The following CA13 variants were observed in gnomAD, a reference collection of about 807,000 sequenced individuals.
The protein encoded by CA13 is CA-XIII.
In CA13, 21 loss-of-function variants were observed where a neutral mutation model predicts 31.5. The ratio of observed to expected loss-of-function variants is 0.67; its 90% confidence interval spans 0.47 to 0.96. CA13 has a LOEUF of 0.96. Among genes scored for constraint, CA13 ranks in the 40% least tolerant of loss-of-function variants. CA13 has a pLI of 0.00. For synonymous variants in CA13, 117 were observed against 111.4 expected, an observed-to-expected ratio of 1.05 and a Z score of -0.32; for missense variants, 315 against 318.9, an observed-to-expected ratio of 0.99 and a Z score of 0.09.
At chr8:85,254,374 T>A (rs1377352139) in intron 2 of CA13, among the ~76,000 whole-genome samples, 2 of 152,144 alleles carry the variant, frequency 1.3e-5, no homozygotes, top group African/African-American at 2.4e-5. Flanking sequence ...TTTTTATAAA[T>A]GTAGACATTC....
At chr8:85,254,129 T>C (rs1319023215) in intron 2 of CA13, among the ~76,000 whole-genome samples, 1 of 151,702 alleles carries the variant, frequency 6.6e-6, no homozygotes, top group African/African-American at 2.4e-5. Context: ...AATACAAAAA[T>C]TAGCCAGGAG....
At chr8:85,277,908 C>T (rs747853789) in intron 6 of CA13, among the ~76,000 whole-genome samples, 3 of 152,136 alleles carry the variant, frequency 2.0e-5, no homozygotes, top group African/African-American at 4.8e-5. Flanking sequence ...TGCTGACGCA[C>T]GCTGCTGGAG....
At chr8:85,273,385 T>C (rs1348455281) in intron 6 of CA13, among the ~76,000 whole-genome samples, 2 of 152,178 alleles carry the variant, frequency 1.3e-5, no homozygotes, top group African/African-American at 4.8e-5. Flanking sequence ...CATTTTTACA[T>C]TGGGTTGTTT....
chr8:85,273,132 T>TA (rs1253693140), intron 6 of CA13, among the ~76,000 whole-genome samples: 4 of 152,222 alleles, frequency 2.6e-5, no homozygotes, highest in Admixed American at 2.6e-4. Flanking sequence ...AAAGTACTAC[T>TA]ATATTGTTTT....
chr8:85,267,356 C>T, intron 4 of CA13: 1 of 884,804 alleles, frequency 1.1e-6, no homozygotes, highest in Non-Finnish European at 1.4e-6. Context: ...TTAAAACCTT[C>T]AGGTAGATTC....
Position 85,266,677 on chromosome 8 carries a change from C to T in CA13, c.424C>T (p.Leu142=), listed in dbSNP as rs576032896. ...TGAGGCAGCTCATGAACCAGATGGA[C>T]TGGCTGTCTTGGGAGTGTTTTTACA... is the stretch of plus-strand genomic sequence containing the variant. The part of the protein sequence containing the change: ...FVEAAHEPDG[L]AVLGVFLQIG... The change falls in exon 4 of 7, where the codon CTG becomes TTG. Residue 142 remains leucine (L), a synonymous_variant. Transcript: ENST00000321764. 13 of 1,613,866 alleles carry T rather than the reference C, an allele frequency of 8.1e-6. No individual in the cohort carries two copies. The highest frequency in any genetic ancestry group is 1.3e-5 in the African/African-American group (1 of 75,052).
Position 85,245,749 on chromosome 8 carries a change from T to G in CA13, c.-80T>G. On this transcript the variant is annotated 5_prime_UTR_variant, in exon 1 of 7. Coordinates refer to ENST00000321764, the MANE Select transcript of CA13 (RefSeq NM_198584.3). ...GCCCCGCGGTCCCGCCCTAGCAGGCTCCTTCCCGGGCCCCTCCCCGCTCCC... is the reference window on the plus strand; with the variant it reads ...GCCCCGCGGTCCCGCCCTAGCAGGCGCCTTCCCGGGCCCCTCCCCGCTCCC... The G allele has an allele frequency of 1.3e-6, 2 of 1,538,042 alleles. No homozygotes were observed. The highest frequency in any genetic ancestry group is 1.8e-6 in the Non-Finnish European group (2 of 1,112,452).
intron 2 of CA13, among the ~76,000 whole-genome samples, chr8:85,253,608 A>C (rs1052120205): frequency 6.6e-6 from 1 of 152,222 alleles, no homozygotes; most frequent in Non-Finnish European, 1.5e-5. Flanking sequence ...AAATAAATAC[A>C]TGGTATTTTC....
chr8:85,266,504 C>T, intron 3 of CA13, 104 bp from the exon 4 acceptor site: 1 of 752,512 alleles, frequency 1.3e-6, no homozygotes, highest in East Asian at 2.6e-5. Flanking sequence ...ATACATTATA[C>T]ATAAGTGTAC....
intron 4 of CA13, 145 bp downstream of exon 4, chr8:85,266,848 A>G (rs1277371291): frequency 5.0e-6 from 3 of 598,562 alleles, no homozygotes; most frequent in African/African-American, 3.7e-5. Flanking sequence ...TTTAAAAATT[A>G]TATATTCATT....
chr8:85,273,368 A>C (rs1318359529), intron 6 of CA13, among the ~76,000 whole-genome samples: 1 of 152,144 alleles, frequency 6.6e-6, no homozygotes, highest in Non-Finnish European at 1.5e-5. Context: ...TGTTCAAATC[A>C]TCTGTACATT....
At chr8:85,256,700 T>C (rs1419999898) in intron 2 of CA13, among the ~76,000 whole-genome samples, 1 of 152,228 alleles carries the variant, frequency 6.6e-6, no homozygotes, top group Non-Finnish European at 1.5e-5. Flanking sequence ...TATAAAGCTC[T>C]ATTATGATTA....
At chr8:85,267,630 TAA>T (rs1807475513) in intron 4 of CA13, among the ~76,000 whole-genome samples, 1 of 152,184 alleles carries the variant, frequency 6.6e-6, no homozygotes, top group Non-Finnish European at 1.5e-5. Flanking sequence ...TAAACACTGA[TAA>T]AACTTAACAA....
chr8:85,275,508 A>C (rs1360151288), intron 6 of CA13, among the ~76,000 whole-genome samples: 3 of 152,164 alleles, frequency 2.0e-5, no homozygotes, highest in African/African-American at 7.2e-5. Context: ...CTAGATCTAC[A>C]AACAGGTTTT....
intron 4 of CA13, among the ~76,000 whole-genome samples, chr8:85,267,000 T>C (rs960038578): frequency 6.6e-6 from 1 of 152,212 alleles, no homozygotes; most frequent in African/African-American, 2.4e-5. Context: ...CTCTTCCTAA[T>C]TGTATACTAT....
intron 6 of CA13, among the ~76,000 whole-genome samples, chr8:85,270,615 A>G (rs966811511): frequency 6.6e-6 from 1 of 152,230 alleles, no homozygotes; most frequent in Non-Finnish European, 1.5e-5. Context: ...GAACTGAATA[A>G]TATTAAGAGT....
chr8:85,260,353 C>G (rs1298283382), intron 3 of CA13, among the ~76,000 whole-genome samples: 2 of 152,154 alleles, frequency 1.3e-5, no homozygotes, highest in Non-Finnish European at 2.9e-5. Flanking sequence ...ATACTATTCA[C>G]GTGAAAATAA....
At chr8:85,272,777 A>G (rs755998774) in intron 6 of CA13, among the ~76,000 whole-genome samples, 1 of 151,984 alleles carries the variant, frequency 6.6e-6, no homozygotes, top group Non-Finnish European at 1.5e-5. Flanking sequence ...TTACTAGTTC[A>G]TGTTTGTTTA....
chr8:85,280,484 G>T (rs1432299098), intron 6 of CA13, among the ~76,000 whole-genome samples: 12 of 152,118 alleles, frequency 7.9e-5, no homozygotes, highest in Admixed American at 7.9e-4. Context: ...AAACCTAAAG[G>T]ATGTGAATTT....
Sources: allele counts gnomAD v4.1 joint callset (sites outside exome capture counted in the v4.1 genomes callset), GRCh38; gene constraint gnomAD v4.1.1; transcripts MANE v1.5; gene names NCBI Gene and HGNC (gene_info 2026-07-23, HGNC 2026-07-21).